The following NTM variants were observed in gnomAD, a reference collection of about 807,000 sequenced individuals.
The protein encoded by NTM is neurotrimin, also known as IgLON family member 2.
NTM carries 13 observed loss-of-function variants against 42.1 expected under a neutral mutation model. That is an observed-to-expected ratio of 0.31 (90% CI 0.20 to 0.49). The LOEUF (loss-of-function observed/expected upper bound fraction) is 0.49. Among genes scored for constraint, NTM ranks in the 20% least tolerant of loss-of-function variants. NTM has a pLI of 0.99. For missense variants in NTM, 373 were observed against 452.8 expected (o/e 0.82, Z 1.60); for synonymous variants, 187 against 179.2 (o/e 1.04, Z -0.35).
intron 4 of NTM, among the ~76,000 whole-genome samples, chr11:132,269,371 C>G (rs976304884): frequency 1.3e-5 from 2 of 152,160 alleles, no homozygotes; most frequent in African/African-American, 4.8e-5. Flanking sequence ...CTCCAACCAG[C>G]AGGATGTCAT....
chr11:131,733,472 TTCC>T, intron 1 of NTM, among the ~76,000 whole-genome samples: 1 of 110,740 alleles, frequency 9.0e-6, no homozygotes, highest in Non-Finnish European at 1.8e-5. Context: ...CTTTCCTTCC[TTCC>T]TTCCTTCCTT....
intron 1 of NTM, among the ~76,000 whole-genome samples, chr11:131,484,113 G>C (rs1214263590): frequency 6.6e-6 from 1 of 152,082 alleles, no homozygotes; most frequent in Non-Finnish European, 1.5e-5. Context: ...GAGTCTCCTG[G>C]GCTTAAATAC....
chr11:131,780,400 A>G (rs73595127), intron 1 of NTM, among the ~76,000 whole-genome samples: 4,905 of 152,180 alleles, frequency 0.032, 260 homozygotes, highest in African/African-American at 0.11. Context: ...GCTTGAGACT[A>G]TGGGTCATTC....
At chr11:131,848,062 C>A (rs538490448) in intron 1 of NTM, among the ~76,000 whole-genome samples, 3 of 152,176 alleles carry the variant, frequency 2.0e-5, no homozygotes, top group African/African-American at 7.2e-5. Context: ...TTATTTTATT[C>A]TTTTATAATG....
At chr11:131,847,631 T>TA (rs1482377925) in intron 1 of NTM, among the ~76,000 whole-genome samples, 6 of 151,982 alleles carry the variant, frequency 3.9e-5, no homozygotes, top group Non-Finnish European at 7.4e-5. Flanking sequence ...TACAATCAGG[T>TA]AAAAAATCAG....
intron 1 of NTM, among the ~76,000 whole-genome samples, chr11:131,860,401 C>G (rs1474180239): frequency 6.6e-6 from 1 of 152,148 alleles, no homozygotes; most frequent in African/African-American, 2.4e-5. Flanking sequence ...CCAAGAGGGT[C>G]CCACAGAGCC....
chr11:132,138,394 A>G (rs1262634389), intron 2 of NTM, among the ~76,000 whole-genome samples: 1 of 152,220 alleles, frequency 6.6e-6, no homozygotes, highest in East Asian at 1.9e-4. Flanking sequence ...AATTTGTCTA[A>G]CAAACAATAA....
Position 131,943,863 on chromosome 11 carries a change from C to T in NTM, c.167+32215C>T, listed in dbSNP as rs150025196. Among the ~76,000 whole-genome samples, 166 of 152,166 alleles carry T rather than the reference C, an allele frequency of 1.1e-3. 1 individual carries two copies. The highest frequency in any genetic ancestry group is 2.4e-3 in the Admixed American group (37 of 15,292). ...CCCCCACACATCCATGGTGACAGCCCGAGTTGCTCTCTTAGAGCCTGGCAG... is the reference window on the plus strand; with the variant it reads ...CCCCCACACATCCATGGTGACAGCCTGAGTTGCTCTCTTAGAGCCTGGCAG... On this transcript the variant is annotated intron_variant, in intron 2 of 8. Coordinates refer to ENST00000683400, the MANE Select transcript of NTM (RefSeq NM_001352005.2).
chr11:131,688,247 C>G (rs2074184588), intron 1 of NTM, among the ~76,000 whole-genome samples: 2 of 152,170 alleles, frequency 1.3e-5, no homozygotes, highest in African/African-American at 4.8e-5. Context: ...GGGAGGGCCC[C>G]TCTCAGCGGA....
At chr11:132,246,864 CA>C (rs1027285097) in intron 4 of NTM, among the ~76,000 whole-genome samples, 1 of 152,226 alleles carries the variant, frequency 6.6e-6, no homozygotes, top group African/African-American at 2.4e-5. Flanking sequence ...ATGCCTACAG[CA>C]GGCAAGAGCC....
At position 131,524,172 on chromosome 11, in the gene NTM, G is replaced by C. The variant is rs1488133581; in HGVS notation, c.82+153284G>C. 2.0e-5 allele frequency among the ~76,000 whole-genome samples: 3 copies of C among 152,220 alleles called. No homozygotes were observed. The East Asian group carries it at 5.8e-4, about 29-fold the overall frequency. Reference sequence around the variant, plus strand: ...TTTGCCTGGTGACTGGGCTGGTCTAGGGGATCCAAGACAGCTTCGCTCTCA... The same window carrying C: ...TTTGCCTGGTGACTGGGCTGGTCTACGGGATCCAAGACAGCTTCGCTCTCA... On this transcript the variant is annotated intron_variant, in intron 1 of 8. Transcript: ENST00000683400.
At chr11:131,891,704 T>C (rs1468769442) in intron 1 of NTM, among the ~76,000 whole-genome samples, 5 of 152,154 alleles carry the variant, frequency 3.3e-5, no homozygotes. Context: ...ATAAATCCCA[T>C]GTATTTTTCT....
chr11:131,764,537 T>G (rs542746535), intron 1 of NTM, among the ~76,000 whole-genome samples: 24 of 152,284 alleles, frequency 1.6e-4, no homozygotes, highest in African/African-American at 5.1e-4. Flanking sequence ...CTGGACTGAA[T>G]TTTGGCTCTG....
At chr11:132,234,055 G>A (rs1413172195) in intron 4 of NTM, among the ~76,000 whole-genome samples, 2 of 152,222 alleles carry the variant, frequency 1.3e-5, no homozygotes, top group Non-Finnish European at 2.9e-5. Flanking sequence ...AGTCATCTCT[G>A]CCTCCATCTT....
At chr11:131,590,980 G>A (rs1187602924) in intron 1 of NTM, among the ~76,000 whole-genome samples, 2 of 152,198 alleles carry the variant, frequency 1.3e-5, no homozygotes, top group East Asian at 3.9e-4. Context: ...GCACTCCCAG[G>A]AGAAGGGCTC....
chr11:131,508,589 T>C (rs1358984587), intron 1 of NTM, among the ~76,000 whole-genome samples: 1 of 147,586 alleles, frequency 6.8e-6, no homozygotes, highest in East Asian at 2.0e-4. Flanking sequence ...TGCACACGTA[T>C]GTTTATTGTG....
At chr11:131,751,664 G>A (rs1223502881) in intron 1 of NTM, among the ~76,000 whole-genome samples, 1 of 152,014 alleles carries the variant, frequency 6.6e-6, no homozygotes, top group Non-Finnish European at 1.5e-5. Flanking sequence ...AGAGGCTGAG[G>A]CAGGAAAATC....
chr11:131,379,651 A>G (rs576341139), intron 1 of NTM, among the ~76,000 whole-genome samples: 1 of 152,340 alleles, frequency 6.6e-6, no homozygotes, highest in African/African-American at 2.4e-5. Flanking sequence ...GTACATAGGA[A>G]GCTCTCAATA....
At chr11:132,121,441 A>G (rs2064808395) in intron 2 of NTM, among the ~76,000 whole-genome samples, 1 of 152,208 alleles carries the variant, frequency 6.6e-6, no homozygotes, top group Admixed American at 6.5e-5. Context: ...GCGTGATGAA[A>G]TGCAGGAGAT....
Sources: gnomAD v4.1 joint callset for allele counts (sites outside exome capture counted in the v4.1 genomes callset) on GRCh38, gnomAD v4.1.1 for gene constraint, MANE v1.5 for transcripts, NCBI Gene and HGNC (gene_info 2026-07-23, HGNC 2026-07-21) for gene names.